Variants in ANKS1B observed in about 807,000 individuals in gnomAD.
The protein encoded by ANKS1B is ankyrin repeat and sterile alpha motif domain containing 1B.
A neutral mutation model predicts 148.3 loss-of-function variants in ANKS1B; 36 were observed. The observed-to-expected ratio is 0.24, with a 90% CI of 0.19 to 0.32. ANKS1B has a LOEUF of 0.32. Among genes scored for constraint, ANKS1B ranks in the 10% least tolerant of loss-of-function variants. The pLI is 1.00. For missense variants in ANKS1B, 1,157 were observed against 1,542.6 expected (o/e 0.75, Z 4.19); for synonymous variants, 542 against 560.8 (o/e 0.97, Z 0.47).
chr12:99,657,488 A>C (rs762004259), intron 8 of ANKS1B, among the ~76,000 whole-genome samples: 12 of 152,164 alleles, frequency 7.9e-5, no homozygotes, highest in Non-Finnish European at 1.6e-4. Flanking sequence ...ACAGGGAGTG[A>C]AAATTTCTGC....
At chr12:99,580,299 AC>A (rs1344316706) in intron 9 of ANKS1B, among the ~76,000 whole-genome samples, 1 of 152,144 alleles carries the variant, frequency 6.6e-6, no homozygotes, top group African/African-American at 2.4e-5. Context: ...CCAGCAACAC[AC>A]AATTTACCCA....
intron 9 of ANKS1B, among the ~76,000 whole-genome samples, chr12:99,626,821 G>A (rs1336136111): frequency 2.0e-5 from 3 of 152,132 alleles, no homozygotes; most frequent in South Asian, 2.1e-4. Context: ...GCACTAGACC[G>A]CAGGGTCAAT....
intron 14 of ANKS1B, among the ~76,000 whole-genome samples, chr12:99,241,551 G>A (rs1056814333): frequency 6.6e-6 from 1 of 152,178 alleles, no homozygotes. Flanking sequence ...CATTTTATGA[G>A]GCCAGCATCA....
chr12:99,685,461 G>A (rs1231274794), intron 8 of ANKS1B, among the ~76,000 whole-genome samples: 2 of 152,066 alleles, frequency 1.3e-5, no homozygotes, highest in East Asian at 3.9e-4. Flanking sequence ...GGTGACAAAG[G>A]GAACACTTTT....
chr12:99,116,525 A>G (rs1486069071), intron 15 of ANKS1B, among the ~76,000 whole-genome samples: 2 of 152,208 alleles, frequency 1.3e-5, no homozygotes, highest in Non-Finnish European at 2.9e-5. Flanking sequence ...TTACTGTTAC[A>G]TAAATGTTTT....
chr12:99,564,711 A>G (rs76114716), intron 9 of ANKS1B, among the ~76,000 whole-genome samples: 1,742 of 152,136 alleles, frequency 0.011, 36 homozygotes, highest in African/African-American at 0.039. Context: ...TTCCTAACCA[A>G]TTTCTGTTTT....
At chr12:99,867,406 T>A (rs762383557) in intron 1 of ANKS1B, among the ~76,000 whole-genome samples, 2 of 152,136 alleles carry the variant, frequency 1.3e-5, no homozygotes, top group Non-Finnish European at 2.9e-5. Context: ...GATGAAGACA[T>A]ACCCGAGACT....
At chr12:99,969,629 G>C (rs900872178) in intron 1 of ANKS1B, among the ~76,000 whole-genome samples, 1 of 152,106 alleles carries the variant, frequency 6.6e-6, no homozygotes, top group African/African-American at 2.4e-5. Context: ...ATATGAAACT[G>C]ATAAGCACAC....
downstream of ANKS1B, among the ~76,000 whole-genome samples, chr12:98,739,762 A>C (rs933006238): frequency 2.0e-5 from 3 of 152,146 alleles, no homozygotes; most frequent in African/African-American, 7.2e-5. Context: ...TAGAAAAAAC[A>C]TGTCAAGAAT....
chr12:98,962,908 A>C (rs2099874090), intron 17 of ANKS1B, among the ~76,000 whole-genome samples: 1 of 152,206 alleles, frequency 6.6e-6, no homozygotes, highest in African/African-American at 2.4e-5. Context: ...TAATAATGGA[A>C]ACACAACATA....
chr12:99,005,104 T>A (rs760348760), intron 17 of ANKS1B, among the ~76,000 whole-genome samples: 4 of 151,928 alleles, frequency 2.6e-5, no homozygotes, highest in Non-Finnish European at 4.4e-5. Context: ...AACGAGAAAA[T>A]GAAAAGGAGA....
intron 14 of ANKS1B, among the ~76,000 whole-genome samples, chr12:99,241,698 C>A (rs61940212): frequency 6.6e-6 from 1 of 152,174 alleles, no homozygotes; most frequent in Non-Finnish European, 1.5e-5. Flanking sequence ...AGCTTATCCA[C>A]CACGATCAGA....
chr12:99,332,333 T>G (rs2087730150), intron 12 of ANKS1B, among the ~76,000 whole-genome samples: 1 of 152,046 alleles, frequency 6.6e-6, no homozygotes, highest in Non-Finnish European at 1.5e-5. Context: ...TATCAAAACA[T>G]AGGCAGATAG....
intron 10 of ANKS1B, among the ~76,000 whole-genome samples, chr12:99,483,702 T>TCTA (rs2096447917): frequency 6.6e-6 from 1 of 152,038 alleles, no homozygotes; most frequent in South Asian, 2.1e-4. Context: ...CTTTATGGTT[T>TCTA]CTATTTCTTC....
In ANKS1B at chr12:99,581,120, C is replaced by A. The variant is rs1361074845; in HGVS notation, c.1272+73947G>T. On this transcript the variant is annotated intron_variant, in intron 9 of 26. Coordinates refer to ENST00000683438, the MANE Select transcript of ANKS1B (RefSeq NM_001352186.2). Reference sequence around the variant, plus strand: ...ACAACCAGAACAATTTGACAAAGAACAATATTGGGAAATTAACACTATTTG... The same window carrying A: ...ACAACCAGAACAATTTGACAAAGAAAAATATTGGGAAATTAACACTATTTG... Among the ~76,000 whole-genome samples, 3 of 151,936 alleles carry A rather than the reference C, an allele frequency of 2.0e-5. 1 individual carries two copies. The South Asian group carries it at 6.2e-4, about 31-fold the overall frequency.
chr12:99,320,976 AC>A (rs1053992000), intron 12 of ANKS1B, among the ~76,000 whole-genome samples: 2 of 152,136 alleles, frequency 1.3e-5, no homozygotes, highest in African/African-American at 4.8e-5. Flanking sequence ...TCCACTCCAG[AC>A]CCTGTTTGCC....
intron 12 of ANKS1B, among the ~76,000 whole-genome samples, chr12:99,334,211 T>G (rs76348224): frequency 6.6e-6 from 1 of 151,890 alleles, no homozygotes; most frequent in Non-Finnish European, 1.5e-5. Context: ...CATAGATACA[T>G]AGATACATAG....
chr12:98,880,891 G>C (rs766296529), intron 17 of ANKS1B, among the ~76,000 whole-genome samples: 2 of 152,044 alleles, frequency 1.3e-5, no homozygotes, highest in African/African-American at 2.4e-5. Flanking sequence ...TTACTGGAAG[G>C]AGAGAGAGAA....
At chr12:99,002,138 T>A (rs947262201) in intron 17 of ANKS1B, among the ~76,000 whole-genome samples, 2 of 152,214 alleles carry the variant, frequency 1.3e-5, no homozygotes, top group African/African-American at 4.8e-5. Flanking sequence ...TTCAAGATAC[T>A]TATTTACTTT....
Sources: allele counts gnomAD v4.1 joint callset (sites outside exome capture counted in the v4.1 genomes callset), GRCh38; gene constraint gnomAD v4.1.1; transcripts MANE v1.5; gene names NCBI Gene and HGNC (gene_info 2026-07-23, HGNC 2026-07-21).